ZNF367: variants seen among roughly 807,000 people sequenced by gnomAD.
The protein encoded by ZNF367 is C2H2 zinc finger protein ZFF29.
A neutral mutation model predicts 31.8 loss-of-function variants in ZNF367; 11 were observed. That is an observed-to-expected ratio of 0.35 (90% CI 0.22 to 0.57). The LOEUF (loss-of-function observed/expected upper bound fraction) is 0.57, where lower values mean the gene tolerates loss of function less well. ZNF367 is among the 20% of genes least tolerant of loss of function. The pLI is 0.85. For synonymous variants in ZNF367, 199 were observed against 202.4 expected, an observed-to-expected ratio of 0.98 and a Z score of 0.14; for missense variants, 353 against 484.1, an observed-to-expected ratio of 0.73 and a Z score of 2.54.
intron 1 of ZNF367, chr9:96,407,566 G>C (rs1423721663): frequency 7.1e-7 from 1 of 1,418,382 alleles, no homozygotes; most frequent in Non-Finnish European, 1.0e-6. Context: ...GCTGGACAGA[G>C]AGGGACAATC....
At chr9:96,407,271 TGCG>T in intron 1 of ZNF367, 1 of 1,443,854 alleles carries the variant, frequency 6.9e-7, no homozygotes, top group Non-Finnish European at 9.7e-7. Context: ...CTGGCGGCTC[TGCG>T]GCCGTCACCA....
In ZNF367 at chr9:96,387,867, A is replaced by C. The variant is rs1376849498; in HGVS notation, c.*370T>G. On this transcript the variant is annotated 3_prime_UTR_variant, in exon 5 of 5. Transcript: ENST00000375256. The stretch of plus-strand genomic sequence containing the variant: ...ATGATCTTATAAATAATCTGTTTTA[A>C]TCTTCTTTGGCTATTTGTACCATTC... The C allele has an allele frequency of 1.6e-5, 3 of 191,768 alleles. No homozygotes were observed. In the East Asian group the frequency reaches 3.8e-4, roughly 25 times the overall value. The allele number at this position is 191,768 out of a possible 1,614,324, so 11.9% of individuals were successfully genotyped here. A position where few individuals can be genotyped will look rare whatever the true frequency, so the allele number is the denominator to read the frequency against.
chr9:96,408,811 G>A (rs1831705120), intron 1 of ZNF367, among the ~76,000 whole-genome samples: 1 of 152,136 alleles, frequency 6.6e-6, no homozygotes, highest in Non-Finnish European at 1.5e-5. Flanking sequence ...AGATATTATT[G>A]CAAAAACATT....
chr9:96,404,199 G>A (rs111410124), intron 1 of ZNF367, among the ~76,000 whole-genome samples: 3 of 150,496 alleles, frequency 2.0e-5, no homozygotes, highest in African/African-American at 4.9e-5. Context: ...GGTGGCTCAC[G>A]CCTGTAATCC....
Position 96,389,896 on chromosome 9 carries a change from A to ATT in ZNF367, c.831-1439_831-1438dup, listed in dbSNP as rs777507011. On this transcript the variant is annotated intron_variant, in intron 4 of 4. Transcript: ENST00000375256. ...AGGCGCCCACCACCATGCCTGGCTA[A>ATT]TTTTTTTTTTTTTTTTTTTTTTTTT... is the stretch of plus-strand genomic sequence containing the variant. Among the ~76,000 whole-genome samples, 778 of 93,908 alleles carry ATT rather than the reference A, an allele frequency of 8.3e-3. 2 individuals are homozygous for ATT. Among genetic ancestry groups the ATT allele is most frequent in the Middle Eastern group, 0.018 (2 of 114 alleles). The allele number at this position is 93,908 out of a possible 152,430, so 61.6% of individuals were successfully genotyped here.
At chr9:96,389,271 T>A (rs1397227089) in intron 4 of ZNF367, among the ~76,000 whole-genome samples, 6 of 146,804 alleles carry the variant, frequency 4.1e-5, no homozygotes, top group Admixed American at 1.4e-4. Context: ...CTGCACTCCA[T>A]CCAGGGTGAC....
At chr9:96,391,952 G>T (rs1175491914) in intron 4 of ZNF367, among the ~76,000 whole-genome samples, 1 of 152,042 alleles carries the variant, frequency 6.6e-6, no homozygotes, top group Non-Finnish European at 1.5e-5. Context: ...GGTAATTTTT[G>T]TATTTTTAGT....
At position 96,386,860 on chromosome 9, in the gene ZNF367, C is replaced by A. The variant is rs1168829704; in HGVS notation, c.*1377G>T. 6.6e-6 allele frequency: 1 copy of A among 152,128 alleles called. No individual in the cohort carries two copies. The highest frequency in any genetic ancestry group is 1.5e-5 in the Non-Finnish European group (1 of 68,008). 9.4% of individuals were successfully genotyped at this position (152,128 alleles called of 1,614,324 possible). On this transcript the variant is annotated 3_prime_UTR_variant, in exon 5 of 5. Coordinates refer to ENST00000375256, the MANE Select transcript of ZNF367 (RefSeq NM_153695.4). ...TAGGAACGTCTTCAACTCAAAAAAGCTAAAAAGGCACTGAAGAGCCCATAT... is the reference window on the plus strand; with the variant it reads ...TAGGAACGTCTTCAACTCAAAAAAGATAAAAAGGCACTGAAGAGCCCATAT...
chr9:96,407,325 T>C, intron 1 of ZNF367: 3 of 1,570,222 alleles, frequency 1.9e-6, no homozygotes, highest in South Asian at 2.2e-5. Context: ...GTAAACGCTA[T>C]GGATACCGTT....
At chr9:96,401,090 G>A (rs1397149440) in intron 1 of ZNF367, among the ~76,000 whole-genome samples, 1 of 152,098 alleles carries the variant, frequency 6.6e-6, no homozygotes, top group Non-Finnish European at 1.5e-5. Flanking sequence ...TCCAAGTGTG[G>A]GGGTACACGC....
Position 96,398,306 on chromosome 9 carries a change from G to C in ZNF367, c.429C>G (p.Ile143Met). ...TATCTGCTCTGGGCCTACCACGTCG[G>C]ATTCCATCCTGTTGATAATTTTTAT... ...SPDSGHLKDG[I>M]RRGRPRADTV... Residue 143 changes from isoleucine (I) to methionine (M), a missense_variant, in exon 2 of 5, where the codon ATC (isoleucine) becomes ATG (methionine). Ile to Met is a conservative substitution (Grantham distance 10, BLOSUM62 1). Around this residue, in one of 5 missense-constraint regions of ZNF367, gnomAD observed 57 missense variants for 141.9 expected, o/e 0.40. Coordinates refer to ENST00000375256, the MANE Select transcript of ZNF367 (RefSeq NM_153695.4). 6.2e-7 allele frequency: 1 copy of C among 1,600,824 alleles called. No homozygotes were observed. Among genetic ancestry groups the C allele is most frequent in the Admixed American group, 1.8e-5 (1 of 56,204 alleles).
intron 2 of ZNF367, 112 bp downstream of exon 2, chr9:96,398,052 T>C (rs1831554701): frequency 9.3e-7 from 1 of 1,076,296 alleles, no homozygotes; most frequent in South Asian, 1.9e-5. Flanking sequence ...ATCGCGCCAC[T>C]GCACTCCAGC....
At chr9:96,402,444 C>CTT (rs1174997133) in intron 1 of ZNF367, among the ~76,000 whole-genome samples, 706 of 66,076 alleles carry the variant, frequency 0.011, 1 homozygote, top group Middle Eastern at 0.014. Flanking sequence ...TTCTTTCTTT[C>CTT]TTTTTTTTTT....
chr9:96,393,693 T>C (rs1831497726), intron 3 of ZNF367, among the ~76,000 whole-genome samples: 1 of 151,982 alleles, frequency 6.6e-6, no homozygotes, highest in Admixed American at 6.6e-5. Flanking sequence ...TAACTGGGTA[T>C]GGTCGCGTAT....
chr9:96,396,317 A>G (rs1421927913), intron 2 of ZNF367, among the ~76,000 whole-genome samples: 1 of 152,230 alleles, frequency 6.6e-6, no homozygotes, highest in East Asian at 1.9e-4. Context: ...AAAAAAATAT[A>G]TAAAAATTCT....
chr9:96,418,045 C>G lies in ZNF367; in HGVS notation c.-13G>C. ...AGCCCCGGATCATCGCCCGGCCCGA[C>G]CCCCAGCTCCGGCGGCCCCGGGCCG... On this transcript the variant is annotated 5_prime_UTR_variant, in exon 1 of 5. Coordinates refer to ENST00000375256, the MANE Select transcript of ZNF367 (RefSeq NM_153695.4). The G allele has an allele frequency of 7.4e-7, 1 of 1,356,946 alleles. No individual in the cohort carries two copies. The highest frequency in any genetic ancestry group is 9.4e-7 in the Non-Finnish European group (1 of 1,060,664). The allele number at this position is 1,356,946 out of a possible 1,614,324, so 84.1% of individuals were successfully genotyped here.
At chr9:96,391,235 C>T (rs868863053) in intron 4 of ZNF367, among the ~76,000 whole-genome samples, 1 of 152,212 alleles carries the variant, frequency 6.6e-6, no homozygotes, top group Non-Finnish European at 1.5e-5. Context: ...ATATCCCTGC[C>T]CGGGGAAGCT....
intron 1 of ZNF367, among the ~76,000 whole-genome samples, chr9:96,412,697 C>CTTTTTTTTTT (rs71368258): frequency 2.2e-5 from 3 of 133,798 alleles, no homozygotes; most frequent in South Asian, 2.4e-4. Flanking sequence ...TTTTTCTTTT[C>CTTTTTTTTTT]TTTTTTTTTT....
intron 1 of ZNF367, among the ~76,000 whole-genome samples, chr9:96,410,445 C>T (rs1005283913): frequency 5.4e-5 from 8 of 148,438 alleles, no homozygotes; most frequent in African/African-American, 1.5e-4. Context: ...GCCTGTAGTC[C>T]CAGCTACTCG....
Sources: gnomAD v4.1 joint callset for allele counts (sites outside exome capture counted in the v4.1 genomes callset) on GRCh38, gnomAD v4.1.1 for gene constraint, gnomAD v4.1.1 regional missense constraint, MANE v1.5 for transcripts, NCBI Gene and HGNC (gene_info 2026-07-23, HGNC 2026-07-21) for gene names.